ZDHHC21: variants seen among roughly 807,000 people sequenced by gnomAD.
The protein encoded by ZDHHC21 is palmitoyltransferase ZDHHC21.
Under a neutral mutation model 34.6 loss-of-function variants are expected in ZDHHC21, and 15 were observed. That is an observed-to-expected ratio of 0.43 (90% confidence interval 0.29 to 0.67). The LOEUF (loss-of-function observed/expected upper bound fraction) is 0.67. Among genes scored for constraint, ZDHHC21 ranks in the 30% least tolerant of loss-of-function variants. The pLI, the probability that ZDHHC21 is intolerant of heterozygous loss-of-function variation, is 0.14. For synonymous variants in ZDHHC21, 142 were observed against 101.8 expected, an observed-to-expected ratio of 1.40 and a Z score of -2.38; for missense variants, 344 against 327.7, an observed-to-expected ratio of 1.05 and a Z score of -0.38.
chr9:14,596,401 G>GT, the ZDHHC21 span, among the ~76,000 whole-genome samples: 1 of 152,224 alleles, frequency 6.6e-6, no homozygotes. Flanking sequence ...GAAGGAGTGT[G>GT]TGTAAGATGG....
At chr9:14,596,462 T>C in the ZDHHC21 span, among the ~76,000 whole-genome samples, 1 of 152,192 alleles carries the variant, frequency 6.6e-6, no homozygotes, top group African/African-American at 2.4e-5. Context: ...TCCACATACC[T>C]ACATGCTGCT....
At chr9:14,691,163 G>C (rs189046236) in intron 1 of ZDHHC21, among the ~76,000 whole-genome samples, 46 of 152,280 alleles carry the variant, frequency 3.0e-4, no homozygotes, top group Non-Finnish European at 1.9e-4. Context: ...TCCATGTTGA[G>C]ACATTACTCA....
intron 6 of ZDHHC21, 41 bp from the exon 7 acceptor site, chr9:14,658,928 CAAG>C: frequency 1.3e-6 from 2 of 1,579,802 alleles, no homozygotes; most frequent in Non-Finnish European, 1.7e-6. Context: ...TTTTAAATTT[CAAG>C]AAGTTCACCT....
intron 5 of ZDHHC21, among the ~76,000 whole-genome samples, chr9:14,671,600 C>T (rs745897617): frequency 8.6e-5 from 13 of 152,026 alleles, no homozygotes; most frequent in South Asian, 2.1e-4. Flanking sequence ...CAAAACAGGA[C>T]GCATTTTTTT....
chr9:14,620,361 T>C (rs930062362), intron 8 of ZDHHC21, among the ~76,000 whole-genome samples: 9 of 152,020 alleles, frequency 5.9e-5, no homozygotes, highest in Non-Finnish European at 2.9e-5. Context: ...AGACTTATCA[T>C]TAGACTGGCA....
intron 8 of ZDHHC21, among the ~76,000 whole-genome samples, chr9:14,623,765 C>A (rs145658915): frequency 6.6e-6 from 1 of 151,636 alleles, no homozygotes. Flanking sequence ...ATCAGAGAAA[C>A]GTAAATCAAA....
intron 8 of ZDHHC21, 85 bp downstream of exon 8, chr9:14,639,811 C>G: frequency 1.3e-6 from 1 of 779,516 alleles, no homozygotes; most frequent in Non-Finnish European, 1.9e-6. Context: ...CCTTTGATTT[C>G]TAAACTTCCT....
At position 14,613,138 on chromosome 9, in the gene ZDHHC21, C is replaced by T. The variant is rs1375626215; in HGVS notation, c.*5828G>A. The T allele has an allele frequency of 6.6e-6, 1 of 151,500 alleles. No homozygotes were observed. The highest frequency in any genetic ancestry group is 1.5e-5 in the Non-Finnish European group (1 of 67,768). 9.4% of individuals were successfully genotyped at this position (151,500 alleles called of 1,614,324 possible). ...AAAATTAAAATCCATACATGCCTAC[C>T]TAAAAAAAAATCCAAATGAGAAACA... On this transcript the variant is annotated 3_prime_UTR_variant, in exon 10 of 10. Coordinates refer to ENST00000380916, the MANE Select transcript of ZDHHC21 (RefSeq NM_178566.6).
intron 2 of ZDHHC21, among the ~76,000 whole-genome samples, chr9:14,681,019 G>C (rs1837281887): frequency 6.6e-6 from 1 of 152,122 alleles, no homozygotes; most frequent in Admixed American, 6.6e-5. Flanking sequence ...CATAAAGGCA[G>C]GCAGAGAAAA....
intron 2 of ZDHHC21, among the ~76,000 whole-genome samples, chr9:14,682,502 T>C (rs1837561660): frequency 1.3e-5 from 2 of 152,164 alleles, no homozygotes; most frequent in South Asian, 4.1e-4. Flanking sequence ...ATCCTAAATA[T>C]AAATGCACCC....
At chr9:14,653,468 T>C (rs1587157367) in intron 7 of ZDHHC21, among the ~76,000 whole-genome samples, 1 of 152,152 alleles carries the variant, frequency 6.6e-6, no homozygotes, top group East Asian at 1.9e-4. Context: ...TTTTATTATT[T>C]AGCTTTAGAG....
At chr9:14,671,710 A>G (rs1415775700) in intron 5 of ZDHHC21, among the ~76,000 whole-genome samples, 1 of 152,122 alleles carries the variant, frequency 6.6e-6, no homozygotes, top group African/African-American at 2.4e-5. Flanking sequence ...CTCGATTAAA[A>G]TGTTCTAAAG....
chr9:14,680,378 CACTTCCCATAAAATCAAATAAGCATTAT>C (rs528348120), intron 2 of ZDHHC21, among the ~76,000 whole-genome samples: 286 of 152,188 alleles, frequency 1.9e-3, no homozygotes, highest in East Asian at 2.7e-3. Flanking sequence ...TAAAACCACC[CACTTCCCATAAAATCAAATAAGCATTAT>C]ACTTCCCATA....
intron 7 of ZDHHC21, among the ~76,000 whole-genome samples, chr9:14,656,868 A>G (rs1832326557): frequency 6.6e-6 from 1 of 151,970 alleles, no homozygotes; most frequent in Non-Finnish European, 1.5e-5. Context: ...ATCTGGTTTG[A>G]CTTTTTAAAA....
chr9:14,634,895 T>C (rs1196710707), intron 8 of ZDHHC21, among the ~76,000 whole-genome samples: 2 of 151,922 alleles, frequency 1.3e-5, no homozygotes, highest in Non-Finnish European at 2.9e-5. Context: ...AAAATAATAT[T>C]AAAGAAGCTC....
chr9:14,599,541 T>C, the ZDHHC21 span, among the ~76,000 whole-genome samples: 1 of 151,578 alleles, frequency 6.6e-6, no homozygotes, highest in Non-Finnish European at 1.5e-5. Flanking sequence ...GACACTGAGC[T>C]AGCTGCAGGA....
At chr9:14,596,266 G>A in the ZDHHC21 span, among the ~76,000 whole-genome samples, 16 of 152,310 alleles carry the variant, frequency 1.1e-4, no homozygotes, top group South Asian at 2.1e-4. Context: ...ATGACCCCCC[G>A]TGTCTTTTCA....
At position 14,687,026 on chromosome 9, in the gene ZDHHC21, A is replaced by G. The variant is rs1363711153; in HGVS notation, c.-176+3311T>C. ...AGAGCTGCTACCCCAATGGCAAATA[A>G]ATGAATTATTTCAGAAAAAAATTCA... On this transcript the variant is annotated intron_variant, in intron 2 of 9. Transcript: ENST00000380916. Among the ~76,000 whole-genome samples, 7 of 150,918 alleles carry G rather than the reference A, an allele frequency of 4.6e-5. No individual in the cohort carries two copies. The East Asian group carries it at 1.3e-3, about 29-fold the overall frequency.
chr9:14,616,306 G>T lies in ZDHHC21; in HGVS notation c.*2660C>A, dbSNP rs983741204. The T allele has an allele frequency of 6.6e-6, 1 of 151,688 alleles. No homozygotes were observed. The highest frequency in any genetic ancestry group is 1.5e-5 in the Non-Finnish European group (1 of 67,748). 9.4% of individuals were successfully genotyped at this position (151,688 alleles called of 1,614,324 possible). ...AAAATAAAATACATAAAATGGCTTA[G>T]TTTATCCTAATCTGATATAAATTTG... On this transcript the variant is annotated 3_prime_UTR_variant, in exon 10 of 10. Transcript: ENST00000380916.
Sources: gnomAD v4.1 joint callset for allele counts (sites outside exome capture counted in the v4.1 genomes callset) on GRCh38, gnomAD v4.1.1 for gene constraint, MANE v1.5 for transcripts, NCBI Gene and HGNC (gene_info 2026-07-23, HGNC 2026-07-21) for gene names.